TMEM50A: variants seen among roughly 807,000 people sequenced by gnomAD.
TMEM50A encodes the protein cervical cancer oncogene 9.
In TMEM50A, 8 loss-of-function variants were observed where a neutral mutation model predicts 23.9. The observed-to-expected ratio is 0.33, with a 90% confidence interval of 0.20 to 0.60. TMEM50A has a LOEUF of 0.60. Among genes scored for constraint, TMEM50A ranks in the 20% least tolerant of loss-of-function variants. TMEM50A has a pLI of 0.81. For missense variants in TMEM50A, 178 were observed against 192.7 expected, an observed-to-expected ratio of 0.92 and a Z score of 0.45; for synonymous variants, 55 against 60.4, an observed-to-expected ratio of 0.91 and a Z score of 0.41.
At position 25,360,709 on chromosome 1, in the gene TMEM50A, C is replaced by T; in HGVS notation, c.*4C>T. On this transcript the variant is annotated 3_prime_UTR_variant, in exon 7 of 7. Coordinates refer to ENST00000374358, the MANE Select transcript of TMEM50A (RefSeq NM_014313.4). ...CACTGAAGACTTATGGCAGTGAACA[C>T]ATCTGATTTCCCACAGCACAACAGC... is the stretch of plus-strand genomic sequence containing the variant. 6.2e-7 allele frequency: 1 copy of T among 1,614,088 alleles called. No homozygotes were observed. Among genetic ancestry groups the T allele is most frequent in the East Asian group, 2.2e-5 (1 of 44,876 alleles).
intron 3 of TMEM50A, 49 bp from the exon 4 acceptor site, chr1:25,351,577 T>C: frequency 6.8e-7 from 1 of 1,478,996 alleles, no homozygotes; most frequent in Non-Finnish European, 9.2e-7. Context: ...TTGTTTCTGG[T>C]AATTGGTGTC....
chr1:25,340,135 C>T (rs1645152444), intron 1 of TMEM50A, among the ~76,000 whole-genome samples: 1 of 152,040 alleles, frequency 6.6e-6, no homozygotes, highest in African/African-American at 2.4e-5. Flanking sequence ...TGGGGTTTGC[C>T]ATGTTGGCCA....
Position 25,343,086 on chromosome 1 carries a change from G to T in TMEM50A, c.206+13G>T. On this transcript the variant is annotated intron_variant, in intron 3 of 6. Transcript: ENST00000374358. ...TAGCCTTCCTAATGTAAGTGTCATC[G>T]TAATTGGCATTACTTACATAGCTTG... The T allele has an allele frequency of 1.3e-6, 2 of 1,584,394 alleles. No homozygotes were observed. Among genetic ancestry groups the T allele is most frequent in the Non-Finnish European group, 1.7e-6 (2 of 1,161,980 alleles).
chr1:25,342,088 G>T (rs993892204), intron 2 of TMEM50A, among the ~76,000 whole-genome samples: 1 of 152,156 alleles, frequency 6.6e-6, no homozygotes, highest in Non-Finnish European at 1.5e-5. Context: ...ATGTACTCAT[G>T]CTAGCCATTA....
At chr1:25,359,212 G>C (rs1314421775) in intron 6 of TMEM50A, among the ~76,000 whole-genome samples, 2 of 152,194 alleles carry the variant, frequency 1.3e-5, no homozygotes, top group African/African-American at 4.8e-5. Context: ...TGGGTAATTT[G>C]CCACCCTTGG....
intron 2 of TMEM50A, among the ~76,000 whole-genome samples, chr1:25,341,781 A>G (rs1264642884): frequency 1.3e-5 from 2 of 151,634 alleles, no homozygotes; most frequent in African/African-American, 4.9e-5. Context: ...TGCAACCTCG[A>G]CCTCCCGGGC....
At chr1:25,348,037 G>A (rs1383238156) in intron 3 of TMEM50A, among the ~76,000 whole-genome samples, 2 of 152,160 alleles carry the variant, frequency 1.3e-5, no homozygotes, top group African/African-American at 4.8e-5. Flanking sequence ...TGACTATGGA[G>A]GGGAATTATA....
chr1:25,341,588 A>G (rs1322838319), intron 2 of TMEM50A, among the ~76,000 whole-genome samples: 4 of 152,086 alleles, frequency 2.6e-5, no homozygotes, highest in African/African-American at 9.7e-5. Flanking sequence ...CATGTTGGTC[A>G]AGCTGGTCTT....
intron 3 of TMEM50A, 98 bp from the exon 4 acceptor site, chr1:25,351,528 C>A: frequency 2.9e-5 from 27 of 935,148 alleles, no homozygotes; most frequent in East Asian, 9.0e-5. Flanking sequence ...AAAAAAAAGA[C>A]TTTCAGGCCT....
At position 25,342,387 on chromosome 1, in the gene TMEM50A, A is replaced by G. The variant is rs549478697; in HGVS notation, c.94-574A>G. 1.5e-4 allele frequency among the ~76,000 whole-genome samples: 23 copies of G among 152,354 alleles called. No individual in the cohort carries two copies. The South Asian group carries it at 1.9e-3, about 12-fold the overall frequency. ...TATACCTTTGCCCTTGATAATATCT[A>G]GAGCCAAATTCAATTAGATAAATTG... On this transcript the variant is annotated intron_variant, in intron 2 of 6. Coordinates refer to ENST00000374358, the MANE Select transcript of TMEM50A (RefSeq NM_014313.4).
At chr1:25,359,631 T>G (rs1219545420) in intron 6 of TMEM50A, among the ~76,000 whole-genome samples, 1 of 152,212 alleles carries the variant, frequency 6.6e-6, no homozygotes, top group Non-Finnish European at 1.5e-5. Flanking sequence ...TTGGACAAGC[T>G]TGCCCTGGAC....
intron 3 of TMEM50A, 63 bp downstream of exon 3, chr1:25,343,136 A>G: frequency 1.6e-6 from 2 of 1,251,338 alleles, no homozygotes; most frequent in African/African-American, 1.5e-5. Flanking sequence ...TGTTTCAAAT[A>G]TAGTTGCATA....
intron 6 of TMEM50A, among the ~76,000 whole-genome samples, chr1:25,359,129 T>C (rs1326108483): frequency 6.6e-6 from 1 of 152,040 alleles, no homozygotes; most frequent in East Asian, 1.9e-4. Context: ...GGCATCCCCA[T>C]AGAGCATGCA....
rs762964875 is a variant in TMEM50A, at chr1:25,356,780, A to C, written c.368-13A>C. 10 of 1,571,576 alleles carry C rather than the reference A, an allele frequency of 6.4e-6. No individual in the cohort carries two copies. The Admixed American group carries it at 1.9e-4, about 29-fold the overall frequency. On this transcript the variant is annotated splice_polypyrimidine_tract_variant and intron_variant, in intron 5 of 6. Coordinates refer to ENST00000374358, the MANE Select transcript of TMEM50A (RefSeq NM_014313.4). ...AGATCATAACCCTCTAAACACTGCA[A>C]TTATTTTTACAGAAAAAGACATAGT...
chr1:25,350,888 G>T (rs376323567), intron 3 of TMEM50A, among the ~76,000 whole-genome samples: 1 of 151,976 alleles, frequency 6.6e-6, no homozygotes, highest in African/African-American at 2.4e-5. Flanking sequence ...CTGGCTGGGC[G>T]CAGTGGCTCA....
At position 25,360,870 on chromosome 1, in the gene TMEM50A, A is replaced by G. The variant is rs1645393752; in HGVS notation, c.*165A>G. ...TCACGAGAACACCTAAACAACAACCAAAAATCTATTGTGGTATGCACTTGA... is the reference window on the plus strand; with the variant it reads ...TCACGAGAACACCTAAACAACAACCGAAAATCTATTGTGGTATGCACTTGA... On this transcript the variant is annotated 3_prime_UTR_variant, in exon 7 of 7. Transcript: ENST00000374358. The G allele has an allele frequency of 1.6e-6, 1 of 607,768 alleles. No individual in the cohort carries two copies. The highest frequency in any genetic ancestry group is 3.4e-5 in the Admixed American group (1 of 29,022). The allele number at this position is 607,768 out of a possible 1,614,324, so 37.6% of individuals were successfully genotyped here.
Position 25,361,550 on chromosome 1 carries a change from A to G in TMEM50A, c.*845A>G, listed in dbSNP as rs1645404256. 6.6e-6 allele frequency: 1 copy of G among 152,248 alleles called. No individual in the cohort carries two copies. Among genetic ancestry groups the G allele is most frequent in the African/African-American group, 2.4e-5 (1 of 41,448 alleles). 9.4% of individuals were successfully genotyped at this position (152,248 alleles called of 1,614,324 possible). On this transcript the variant is annotated 3_prime_UTR_variant, in exon 7 of 7. Transcript: ENST00000374358. Reference sequence around the variant, plus strand: ...TGAACCACTAGCCTAATAGACCAGCACGGTCAACTAGAATGACAAACATTA... The same window carrying G: ...TGAACCACTAGCCTAATAGACCAGCGCGGTCAACTAGAATGACAAACATTA...
At chr1:25,357,612 G>GTGTA (rs1645348803) in intron 6 of TMEM50A, among the ~76,000 whole-genome samples, 1 of 132,876 alleles carries the variant, frequency 7.5e-6, no homozygotes, top group Non-Finnish European at 1.6e-5. Context: ...CTCACCCAGT[G>GTGTA]TGTGTGTGTG....
intron 4 of TMEM50A, 61 bp downstream of exon 4, chr1:25,351,754 C>A: frequency 1.5e-6 from 2 of 1,352,134 alleles, no homozygotes; most frequent in Non-Finnish European, 2.1e-6. Context: ...GAGTATTTCA[C>A]ATGGAAATAC....
Sources: allele counts gnomAD v4.1 joint callset (sites outside exome capture counted in the v4.1 genomes callset), GRCh38; gene constraint gnomAD v4.1.1; transcripts MANE v1.5; gene names NCBI Gene and HGNC (gene_info 2026-07-23, HGNC 2026-07-21).